GALNT13: variants seen among roughly 807,000 people sequenced by gnomAD.
GALNT13 encodes UDP-GalNAc:polypeptide N-acetylgalactosaminyltransferase 13.
Under a neutral mutation model 64.2 loss-of-function variants are expected in GALNT13, and 28 were observed. The ratio of observed to expected loss-of-function variants is 0.44; its 90% CI spans 0.32 to 0.60. GALNT13 has a LOEUF of 0.60. GALNT13 is among the 20% of genes least tolerant of loss of function. The probability of loss-of-function intolerance (pLI) is 0.05; values close to 1 mark genes in which losing one functional copy is unlikely to be tolerated. For missense variants in GALNT13, 577 were observed against 669.8 expected, an observed-to-expected ratio of 0.86 and a Z score of 1.53; for synonymous variants, 214 against 224.6, an observed-to-expected ratio of 0.95 and a Z score of 0.42.
the GALNT13 span, among the ~76,000 whole-genome samples, chr2:153,392,177 C>T: frequency 6.6e-6 from 1 of 150,410 alleles, no homozygotes; most frequent in Non-Finnish European, 1.5e-5. Context: ...ATAACATGGA[C>T]AAACACAATT....
intron 3 of GALNT13, among the ~76,000 whole-genome samples, chr2:153,956,048 T>C (rs1337160697): frequency 1.3e-5 from 2 of 152,202 alleles, no homozygotes; most frequent in Non-Finnish European, 2.9e-5. Context: ...GGAATGGAGT[T>C]GGGCAAGCAC....
At chr2:153,774,768 G>A in the GALNT13 span, among the ~76,000 whole-genome samples, 1 of 152,050 alleles carries the variant, frequency 6.6e-6, no homozygotes, top group Non-Finnish European at 1.5e-5. Flanking sequence ...CAAAAAAACA[G>A]GCATGGTGGC....
the GALNT13 span, among the ~76,000 whole-genome samples, chr2:153,627,901 G>A: frequency 6.6e-6 from 1 of 152,114 alleles, no homozygotes; most frequent in Non-Finnish European, 1.5e-5. Context: ...GTCATTGGTA[G>A]CTTGATGGGG....
chr2:154,020,849 C>G (rs1039461567), intron 3 of GALNT13, among the ~76,000 whole-genome samples: 8 of 152,190 alleles, frequency 5.3e-5, no homozygotes, highest in Non-Finnish European at 1.0e-4. Flanking sequence ...ACATTTAAGT[C>G]TTTAATCCAT....
At chr2:154,378,239 G>A (rs1698093188) in intron 9 of GALNT13, among the ~76,000 whole-genome samples, 1 of 152,064 alleles carries the variant, frequency 6.6e-6, no homozygotes. Flanking sequence ...TGCTATACTT[G>A]CTCAATATTC....
chr2:153,096,531 A>G, the GALNT13 span, among the ~76,000 whole-genome samples: 3 of 152,102 alleles, frequency 2.0e-5, no homozygotes, highest in Non-Finnish European at 4.4e-5. Flanking sequence ...TATTTACTTT[A>G]TATATCTGGC....
chr2:153,352,126 T>C, the GALNT13 span, among the ~76,000 whole-genome samples: 7 of 152,288 alleles, frequency 4.6e-5, no homozygotes, highest in African/African-American at 1.7e-4. Context: ...TATTTGTTTG[T>C]ATTAGCGTTC....
At chr2:153,917,806 G>T (rs1440477641) in intron 2 of GALNT13, among the ~76,000 whole-genome samples, 1 of 152,028 alleles carries the variant, frequency 6.6e-6, no homozygotes, top group Non-Finnish European at 1.5e-5. Context: ...AAACTAAAAG[G>T]TATCTTGGAA....
At chr2:154,296,395 G>A (rs1487676448) in intron 8 of GALNT13, among the ~76,000 whole-genome samples, 1 of 152,216 alleles carries the variant, frequency 6.6e-6, no homozygotes, top group African/African-American at 2.4e-5. Flanking sequence ...CCAGCTGGGA[G>A]AGAAATACCA....
At chr2:153,462,012 C>T in the GALNT13 span, among the ~76,000 whole-genome samples, 1 of 152,150 alleles carries the variant, frequency 6.6e-6, no homozygotes, top group East Asian at 1.9e-4. Context: ...TCTGCTGCCA[C>T]CTGGATCTTT....
chr2:153,824,739 G>T, the GALNT13 span, among the ~76,000 whole-genome samples: 4 of 152,092 alleles, frequency 2.6e-5, no homozygotes, highest in Admixed American at 2.6e-4. Flanking sequence ...GAGGTGATTG[G>T]ATCATGGGGG....
At chr2:154,004,236 T>C (rs1340758357) in intron 3 of GALNT13, among the ~76,000 whole-genome samples, 1 of 152,046 alleles carries the variant, frequency 6.6e-6, no homozygotes, top group Non-Finnish European at 1.5e-5. Flanking sequence ...AGACGGAGTC[T>C]TGCTCTGTCT....
chr2:153,617,984 G>A, the GALNT13 span, among the ~76,000 whole-genome samples: 14 of 151,588 alleles, frequency 9.2e-5, no homozygotes, highest in East Asian at 1.4e-3. Context: ...ACAACTTTTT[G>A]TTTCATTAAT....
chr2:154,264,866 A>G (rs1559056161), intron 8 of GALNT13, among the ~76,000 whole-genome samples: 4 of 151,756 alleles, frequency 2.6e-5, no homozygotes, highest in Admixed American at 2.6e-4. Context: ...AAGAGTTTTT[A>G]TGCCAAAGTA....
At chr2:153,126,317 TATATATATATATATATATATA>T in the GALNT13 span, among the ~76,000 whole-genome samples, 1 of 109,770 alleles carries the variant, frequency 9.1e-6, no homozygotes, top group African/African-American at 4.3e-5. Context: ...TATATATATA[TATATATATATATATATATATA>T]TATATATATG....
chr2:154,339,043 G>C (rs886071818), intron 9 of GALNT13, among the ~76,000 whole-genome samples: 2 of 152,138 alleles, frequency 1.3e-5, no homozygotes, highest in African/African-American at 4.8e-5. Context: ...CAATACGGTT[G>C]TAAAAATTCT....
chr2:153,862,263 G>A, the GALNT13 span, among the ~76,000 whole-genome samples: 4 of 152,160 alleles, frequency 2.6e-5, no homozygotes, highest in Non-Finnish European at 5.9e-5. Context: ...GCACAAAGGT[G>A]TCAGTCAAGT....
intron 8 of GALNT13, among the ~76,000 whole-genome samples, chr2:154,284,433 C>A (rs1271296576): frequency 6.6e-6 from 1 of 151,760 alleles, no homozygotes; most frequent in Non-Finnish European, 1.5e-5. Context: ...TCACAAATAA[C>A]ATAATTCCCT....
At chr2:154,290,886 G>A (rs766367950) in intron 8 of GALNT13, among the ~76,000 whole-genome samples, 3 of 151,936 alleles carry the variant, frequency 2.0e-5, no homozygotes, top group Non-Finnish European at 2.9e-5. Flanking sequence ...AGCTCTTAAA[G>A]GTGGCGCGTC....
Sources: allele counts gnomAD v4.1 joint callset (sites outside exome capture counted in the v4.1 genomes callset), GRCh38; gene constraint gnomAD v4.1.1; transcripts MANE v1.5; gene names NCBI Gene and HGNC (gene_info 2026-07-23, HGNC 2026-07-21).